Variants in KIF5C observed in about 807,000 individuals in gnomAD.
The protein encoded by KIF5C is kinesin family member 5C.
Under a neutral mutation model 125.2 loss-of-function variants are expected in KIF5C, and 18 were observed. That is an observed-to-expected ratio of 0.14 (90% CI 0.10 to 0.21). The LOEUF (loss-of-function observed/expected upper bound fraction) is 0.21. Among genes scored for constraint, KIF5C ranks in the 10% least tolerant of loss-of-function variants. KIF5C has a pLI of 1.00. For missense variants in KIF5C, 780 were observed against 1,183.8 expected (o/e 0.66, Z 5.01); for synonymous variants, 405 against 434.0 (o/e 0.93, Z 0.83).
chr2:148,944,185 A>G (rs1386478772), intron 7 of KIF5C, among the ~76,000 whole-genome samples: 1 of 152,142 alleles, frequency 6.6e-6, no homozygotes, highest in Non-Finnish European at 1.5e-5. Context: ...TTAATATGAA[A>G]TTTGCCATCT....
At chr2:148,974,864 G>A (rs1015972232) in intron 12 of KIF5C, among the ~76,000 whole-genome samples, 5 of 152,166 alleles carry the variant, frequency 3.3e-5, no homozygotes, top group African/African-American at 7.2e-5. Context: ...ATGAATAGAC[G>A]CCTGCATGGC....
Position 148,997,064 on chromosome 2 carries a change from G to A in KIF5C, c.2024-200G>A, listed in dbSNP as rs1344029340. 2.0e-5 allele frequency among the ~76,000 whole-genome samples: 3 copies of A among 152,228 alleles called. No homozygotes were observed. The East Asian group carries it at 5.8e-4, about 29-fold the overall frequency. On this transcript the variant is annotated intron_variant, in intron 17 of 25. Coordinates refer to ENST00000435030, the MANE Select transcript of KIF5C (RefSeq NM_004522.3). ...CCCTGCAGTTGTCGCGCTCCCCCGT[G>A]GAAGGAATGCTTCAGGAGGGGGCAG...
At chr2:148,923,813 T>C (rs1483483735) in intron 2 of KIF5C, among the ~76,000 whole-genome samples, 1 of 152,210 alleles carries the variant, frequency 6.6e-6, no homozygotes, top group African/African-American at 2.4e-5. Context: ...TAACAACCTG[T>C]AGTAATACTC....
At chr2:149,009,284 C>A (rs1167642602) in intron 23 of KIF5C, among the ~76,000 whole-genome samples, 2 of 151,954 alleles carry the variant, frequency 1.3e-5, no homozygotes, top group Non-Finnish European at 2.9e-5. Context: ...GCCACTGCAC[C>A]CAGCTGAAAT....
At chr2:148,898,664 G>C (rs1256557175) in intron 1 of KIF5C, among the ~76,000 whole-genome samples, 1 of 152,186 alleles carries the variant, frequency 6.6e-6, no homozygotes, top group Non-Finnish European at 1.5e-5. Flanking sequence ...CTAGAAGCTG[G>C]CAAAGGCAGG....
intron 22 of KIF5C, among the ~76,000 whole-genome samples, chr2:149,006,378 A>C (rs537675167): frequency 1.3e-5 from 2 of 152,314 alleles, no homozygotes; most frequent in South Asian, 4.1e-4. Flanking sequence ...GGAGGAGTGG[A>C]GAAGTCAAGT....
rs1681702487 is a variant in KIF5C, at chr2:148,997,295, G to A, written c.2055G>A (p.Lys685=). ...EKMHEVSFQD[K]EKEHLTRLQD... ...TGCACGAAGTCAGCTTCCAGGATAA[G>A]GAGAAGGAACATCTGACGCGGTTGC... The change falls in exon 18 of 26, where the codon AAG becomes AAA. Residue 685 remains lysine (K), a synonymous_variant. Transcript: ENST00000435030. 6.2e-7 allele frequency: 1 copy of A among 1,613,978 alleles called. No homozygotes were observed. Among genetic ancestry groups the A allele is most frequent in the Non-Finnish European group, 8.5e-7 (1 of 1,179,850 alleles).
At chr2:148,963,565 A>G (rs1012503212) in intron 11 of KIF5C, among the ~76,000 whole-genome samples, 1 of 152,246 alleles carries the variant, frequency 6.6e-6, no homozygotes, top group African/African-American at 2.4e-5. Flanking sequence ...AGCTACTAGA[A>G]TAATTGAATA....
At chr2:148,877,897 A>G (rs1457799009) in intron 1 of KIF5C, 2 of 152,202 alleles carry the variant, frequency 1.3e-5, no homozygotes, top group African/African-American at 4.8e-5. Context: ...ATGAGTATAT[A>G]TTTCCTTATC....
chr2:148,960,758 C>T (rs1172386438), intron 10 of KIF5C, among the ~76,000 whole-genome samples: 10 of 152,314 alleles, frequency 6.6e-5, no homozygotes, highest in African/African-American at 1.9e-4. Flanking sequence ...TTGCTGACAA[C>T]GGTAATTAAC....
At chr2:148,919,901 A>G (rs1291858415) in intron 1 of KIF5C, among the ~76,000 whole-genome samples, 1 of 152,230 alleles carries the variant, frequency 6.6e-6, no homozygotes, top group Non-Finnish European at 1.5e-5. Flanking sequence ...CTTAGTATCA[A>G]TCATAATGAC....
At chr2:149,011,833 G>A (rs1682217096) in intron 25 of KIF5C, 150 bp downstream of exon 25, 2 of 1,152,484 alleles carry the variant, frequency 1.7e-6, no homozygotes. Flanking sequence ...CAGAGACCCA[G>A]ACCTGTCCTC....
At chr2:148,990,437 T>G (rs1681494866) in intron 15 of KIF5C, among the ~76,000 whole-genome samples, 1 of 152,220 alleles carries the variant, frequency 6.6e-6, no homozygotes. Context: ...AAGAAGCCCT[T>G]TGGTAATTCA....
intron 11 of KIF5C, among the ~76,000 whole-genome samples, chr2:148,970,687 A>G (rs1680876273): frequency 6.6e-6 from 1 of 152,170 alleles, no homozygotes; most frequent in African/African-American, 2.4e-5. Context: ...ATGGGAGAAG[A>G]GGGCAGCTTT....
intron 16 of KIF5C, among the ~76,000 whole-genome samples, chr2:148,991,557 A>G (rs1681527164): frequency 6.6e-6 from 1 of 152,132 alleles, no homozygotes; most frequent in South Asian, 2.1e-4. Context: ...TTAATATGGA[A>G]AAACAGAAAC....
rs1681152151 is a variant in KIF5C, at chr2:148,875,484, C to A, written c.-134C>A. 2 of 720,848 alleles carry A rather than the reference C, an allele frequency of 2.8e-6. No homozygotes were observed. Among genetic ancestry groups the A allele is most frequent in the East Asian group, 5.7e-5 (2 of 34,966 alleles). The allele number at this position is 720,848 out of a possible 1,614,324, so 44.7% of individuals were successfully genotyped here. ...GCTCAGCCGGCCGGGCTCGCGATGA[C>A]CTGCTGAGAAGCGTCGTCGGAGGCT... On this transcript the variant is annotated 5_prime_UTR_variant, in exon 1 of 26. Coordinates refer to ENST00000435030, the MANE Select transcript of KIF5C (RefSeq NM_004522.3).
intron 1 of KIF5C, among the ~76,000 whole-genome samples, chr2:148,917,554 G>A (rs1418188215): frequency 6.6e-6 from 1 of 152,222 alleles, no homozygotes; most frequent in Non-Finnish European, 1.5e-5. Flanking sequence ...AAAGGGCATG[G>A]GTCATCGTGG....
At chr2:149,005,351 G>T in intron 21 of KIF5C, 42 bp from the exon 22 acceptor site, 1 of 1,602,602 alleles carries the variant, frequency 6.2e-7, no homozygotes, top group South Asian at 1.1e-5. Flanking sequence ...CATAAATTCA[G>T]TGAATTGCTG....
At chr2:149,000,107 C>T (rs959064099) in intron 19 of KIF5C, 1 of 240,096 alleles carries the variant, frequency 4.2e-6, no homozygotes, top group African/African-American at 2.2e-5. Context: ...CAGAGTTCTT[C>T]TGACATGGGC....
Sources: gnomAD v4.1 joint callset for allele counts (sites outside exome capture counted in the v4.1 genomes callset) on GRCh38, gnomAD v4.1.1 for gene constraint, MANE v1.5 for transcripts, NCBI Gene and HGNC (gene_info 2026-07-23, HGNC 2026-07-21) for gene names.